ADAMTS17: variants seen among roughly 807,000 people sequenced by gnomAD.
The protein encoded by ADAMTS17 is A disintegrin and metalloproteinase with thrombospondin motifs 17.
A neutral mutation model predicts 141.5 loss-of-function variants in ADAMTS17; 113 were observed. The ratio of observed to expected loss-of-function variants is 0.80; its 90% confidence interval spans 0.69 to 0.93. ADAMTS17 has a LOEUF of 0.93. ADAMTS17 is among the 40% of genes least tolerant of loss of function. ADAMTS17 has a pLI of 0.00. For synonymous variants in ADAMTS17, 768 were observed against 630.6 expected (o/e 1.22, Z -3.27); for missense variants, 1,659 against 1,517.9 (o/e 1.09, Z -1.54).
chr15:100,046,715 C>T (rs78292496), intron 18 of ADAMTS17, among the ~76,000 whole-genome samples: 1 of 152,194 alleles, frequency 6.6e-6, no homozygotes, highest in South Asian at 2.1e-4. Context: ...CAATCAATAC[C>T]CTTGTGATTT....
intron 8 of ADAMTS17, among the ~76,000 whole-genome samples, chr15:100,191,036 C>A (rs1225732907): frequency 6.6e-6 from 1 of 152,212 alleles, no homozygotes; most frequent in African/African-American, 2.4e-5. Flanking sequence ...TCAGTTGAGG[C>A]TGCCAGAAGC....
At chr15:100,325,314 G>C (rs1182661124) in intron 3 of ADAMTS17, among the ~76,000 whole-genome samples, 1 of 152,192 alleles carries the variant, frequency 6.6e-6, no homozygotes, top group Non-Finnish European at 1.5e-5. Context: ...CTTAGAATGT[G>C]GTTGCATTTG....
At chr15:100,161,909 C>T (rs2039708240) in intron 8 of ADAMTS17, among the ~76,000 whole-genome samples, 1 of 152,196 alleles carries the variant, frequency 6.6e-6, no homozygotes, top group African/African-American at 2.4e-5. Flanking sequence ...GTGTTTTGTA[C>T]AGAAAAATGA....
intron 7 of ADAMTS17, among the ~76,000 whole-genome samples, chr15:100,232,399 C>A (rs1046153272): frequency 1.3e-5 from 2 of 152,242 alleles, no homozygotes; most frequent in African/African-American, 4.8e-5. Context: ...TCCCTGGGCT[C>A]TGAAAGCCTG....
chr15:100,140,838 G>A (rs1451935473), intron 10 of ADAMTS17, among the ~76,000 whole-genome samples: 1 of 152,082 alleles, frequency 6.6e-6, no homozygotes, highest in Non-Finnish European at 1.5e-5. Flanking sequence ...AGTGAGATGG[G>A]GCGCTCTGTG....
intron 7 of ADAMTS17, among the ~76,000 whole-genome samples, chr15:100,248,620 T>C (rs904669223): frequency 2.6e-5 from 4 of 151,908 alleles, no homozygotes; most frequent in Non-Finnish European, 5.9e-5. Flanking sequence ...ATGTGCAGAG[T>C]GGGGGCCACT....
At chr15:100,181,683 T>C (rs1373393444) in intron 8 of ADAMTS17, among the ~76,000 whole-genome samples, 1 of 152,248 alleles carries the variant, frequency 6.6e-6, no homozygotes, top group South Asian at 2.1e-4. Flanking sequence ...TGAGCTGGTA[T>C]TCAAGATGCA....
chr15:100,297,258 G>A (rs531042190), intron 3 of ADAMTS17, among the ~76,000 whole-genome samples: 12 of 152,254 alleles, frequency 7.9e-5, no homozygotes, highest in South Asian at 6.2e-4. Flanking sequence ...CAAGGAGGCC[G>A]GAGCAATGGG....
In ADAMTS17 at chr15:99,982,006, T is replaced by C. The variant is rs138399586; in HGVS notation, c.2950-5784A>G. ...GGGGAAGGGGTGCCTGTTGGCATGC[T>C]ACGTCCCCACTTACTAGCTGTGTGA... On this transcript the variant is annotated intron_variant, in intron 20 of 21. Transcript: ENST00000268070. 1.7e-3 allele frequency among the ~76,000 whole-genome samples: 260 copies of C among 152,358 alleles called. 1 individual carries two copies. Among genetic ancestry groups the C allele is most frequent in the Middle Eastern group, 0.01 (3 of 294 alleles).
At position 100,058,348 on chromosome 15, in the gene ADAMTS17, C is replaced by T. The variant is rs868699247; in HGVS notation, c.2138-4294G>A. On this transcript the variant is annotated intron_variant, in intron 15 of 21. Coordinates refer to ENST00000268070, the MANE Select transcript of ADAMTS17 (RefSeq NM_139057.4). ...AACACCCCTATCCCGGCTCTAACAC[C>T]CCTATCCCGGCTCTAACCCTCCTAT... Among the ~76,000 whole-genome samples the T allele has an allele frequency of 9.9e-4, 109 of 110,046 alleles. 1 individual carries two copies. Among genetic ancestry groups the T allele is most frequent in the African/African-American group, 1.3e-3 (37 of 27,966 alleles). 72.2% of individuals were successfully genotyped at this position (110,046 alleles called of 152,430 possible). A position where few individuals can be genotyped will look rare whatever the true frequency, so the allele number is the denominator to read the frequency against.
intron 3 of ADAMTS17, 110 bp downstream of exon 3, chr15:100,330,779 T>A: frequency 7.2e-7 from 1 of 1,398,326 alleles, no homozygotes; most frequent in Non-Finnish European, 9.9e-7. Flanking sequence ...GCTTTTGAAA[T>A]ATAGGGGAAG....
At chr15:100,209,213 T>C (rs1177099896) in intron 7 of ADAMTS17, among the ~76,000 whole-genome samples, 1 of 151,844 alleles carries the variant, frequency 6.6e-6, no homozygotes, top group Non-Finnish European at 1.5e-5. Context: ...GCCCATTCTT[T>C]GGGGGATGAA....
chr15:100,299,534 T>C lies in ADAMTS17; in HGVS notation c.617-18133A>G, dbSNP rs115434745. 7.4e-3 allele frequency among the ~76,000 whole-genome samples: 1,109 copies of C among 150,334 alleles called. 5 individuals carry two copies. Among genetic ancestry groups the C allele is most frequent in the African/African-American group, 0.025 (1,017 of 41,020 alleles). ...AAAAGAAAAAAAAAAAAAAAGAACA[T>C]TCCCCAAACACACAGCTTGGGGGAA... On this transcript the variant is annotated intron_variant, in intron 3 of 21. Transcript: ENST00000268070.
chr15:100,315,781 T>A (rs2045547384), intron 3 of ADAMTS17, among the ~76,000 whole-genome samples: 1 of 152,194 alleles, frequency 6.6e-6, no homozygotes, highest in Non-Finnish European at 1.5e-5. Flanking sequence ...ATACAGAATT[T>A]AACTCATACT....
chr15:100,241,444 G>T (rs1305530850), intron 7 of ADAMTS17, among the ~76,000 whole-genome samples: 1 of 152,186 alleles, frequency 6.6e-6, no homozygotes, highest in Non-Finnish European at 1.5e-5. Flanking sequence ...ACACACACTA[G>T]CACTTCTGAT....
At chr15:100,071,593 G>C (rs2033975548) in intron 15 of ADAMTS17, among the ~76,000 whole-genome samples, 1 of 150,354 alleles carries the variant, frequency 6.7e-6, no homozygotes, top group Admixed American at 6.7e-5. Context: ...AGGATGCAAG[G>C]CTGGTTCAAC....
chr15:100,054,598 C>T (rs2032412806), intron 15 of ADAMTS17, among the ~76,000 whole-genome samples: 1 of 152,194 alleles, frequency 6.6e-6, no homozygotes, highest in African/African-American at 2.4e-5. Flanking sequence ...GTGGACGTCC[C>T]TTCAATCAAT....
At chr15:100,140,450 A>C (rs1351778746) in intron 10 of ADAMTS17, among the ~76,000 whole-genome samples, 1 of 136,680 alleles carries the variant, frequency 7.3e-6, no homozygotes, top group African/African-American at 2.7e-5. Context: ...GACTAACTCC[A>C]AGACACACAC....
chr15:100,329,871 T>TA (rs2045998167), intron 3 of ADAMTS17, among the ~76,000 whole-genome samples: 4 of 152,222 alleles, frequency 2.6e-5, no homozygotes. Context: ...AAGGTAATTC[T>TA]AAAGCAGTCA....
Sources: gnomAD v4.1 joint callset for allele counts (sites outside exome capture counted in the v4.1 genomes callset) on GRCh38, gnomAD v4.1.1 for gene constraint, MANE v1.5 for transcripts, NCBI Gene and HGNC (gene_info 2026-07-23, HGNC 2026-07-21) for gene names.